Variants in AGPAT3 observed in about 807,000 individuals in gnomAD.
AGPAT3 encodes the protein 1-acyl-sn-glycerol-3-phosphate acyltransferase gamma.
In AGPAT3, 5 loss-of-function variants were observed where a neutral mutation model predicts 47.3. The ratio of observed to expected loss-of-function variants is 0.11; its 90% confidence interval spans 0.06 to 0.22. The LOEUF (loss-of-function observed/expected upper bound fraction) is 0.22. Ranked by LOEUF, AGPAT3 falls within the 10% of genes least tolerant of loss-of-function variation. The pLI is 1.00. For missense variants in AGPAT3, 315 were observed against 493.0 expected (o/e 0.64, Z 3.42); for synonymous variants, 212 against 208.3 (o/e 1.02, Z -0.15).
intron 1 of AGPAT3, among the ~76,000 whole-genome samples, chr21:43,887,949 G>A (rs1402183535): frequency 2.6e-5 from 4 of 152,196 alleles, no homozygotes. Flanking sequence ...CACCACGCCC[G>A]GCCCATATAC....
At position 43,982,612 on chromosome 21, in the gene AGPAT3, C is replaced by G. The variant is rs1043849750; in HGVS notation, c.*220C>G. The G allele has an allele frequency of 7.7e-6, 3 of 391,096 alleles. No homozygotes were observed. The highest frequency in any genetic ancestry group is 6.4e-5 in the African/African-American group (3 of 47,172). 24.2% of individuals were successfully genotyped at this position (391,096 alleles called of 1,614,324 possible). A position where few individuals can be genotyped will look rare whatever the true frequency, so the allele number is the denominator to read the frequency against. ...GGGTCCCAGCATCTCCACGCGCGCC[C>G]GTGGGAGGTGGGTCCGGCCGGAGAG... is the stretch of plus-strand genomic sequence containing the variant. On this transcript the variant is annotated 3_prime_UTR_variant, in exon 10 of 10. Transcript: ENST00000291572. The surrounding 1 kb of genome is among the most constrained non-coding windows in gnomAD (Gnocchi z 6.2).
At chr21:43,887,116 A>T (rs1001246402) in intron 1 of AGPAT3, among the ~76,000 whole-genome samples, 2 of 152,238 alleles carry the variant, frequency 1.3e-5, no homozygotes, top group African/African-American at 4.8e-5. Flanking sequence ...TGGGTACTCC[A>T]AAGCAGCCCT....
chr21:43,884,426 C>G (rs918117199), intron 1 of AGPAT3, among the ~76,000 whole-genome samples: 1 of 152,128 alleles, frequency 6.6e-6, no homozygotes, highest in South Asian at 2.1e-4. Flanking sequence ...TTCTGCTGTG[C>G]GGAGCATGGC....
Position 43,971,470 on chromosome 21 carries a change from C to T in AGPAT3, c.747C>T (p.Tyr249=), listed in dbSNP as rs780787175. Reference sequence around the variant, plus strand: ...TGGGGATCCTCTACGGGAAGAAGTACGAGGCGGACATGTGCGTGAGGTGAG... The same window carrying T: ...TGGGGATCCTCTACGGGAAGAAGTATGAGGCGGACATGTGCGTGAGGTGAG... The part of the protein sequence containing the change: ...SLLGILYGKK[Y]EADMCVRRFP... Residue 249 remains tyrosine, a synonymous_variant, in exon 7 of 10, where the codon TAC becomes TAT. Transcript: ENST00000291572. 46 of 1,614,216 alleles carry T rather than the reference C, an allele frequency of 2.8e-5. No homozygotes were observed. The highest frequency in any genetic ancestry group is 6.7e-5 in the African/African-American group (5 of 75,048).
chr21:43,956,326 A>G (rs915876), intron 2 of AGPAT3, among the ~76,000 whole-genome samples: 74,975 of 152,004 alleles, frequency 0.49, 19,183 homozygotes, highest in African/African-American at 0.64. Context: ...GAGCCTCGCT[A>G]TCTGGACTGG....
rs940487080 is a variant in AGPAT3, at chr21:43,935,031, C to T, written c.-48-24603C>T. ...ACCCATGCCACCCATGTGCCGTCCA[C>T]CACCCACGCCACCCACACCACTCAC... On this transcript the variant is annotated intron_variant, in intron 2 of 9. Transcript: ENST00000291572. Among the ~76,000 whole-genome samples the T allele has an allele frequency of 3.7e-4, 56 of 151,888 alleles. 1 individual carries two copies. Among genetic ancestry groups the T allele is most frequent in the Non-Finnish European group, 1.0e-4 (7 of 67,940 alleles).
intron 1 of AGPAT3, among the ~76,000 whole-genome samples, chr21:43,886,204 C>T (rs909575178): frequency 2.0e-5 from 3 of 152,088 alleles, no homozygotes; most frequent in Admixed American, 1.3e-4. Flanking sequence ...TCCTGGCAGT[C>T]CCCCTGCTGT....
intron 2 of AGPAT3, among the ~76,000 whole-genome samples, chr21:43,953,334 C>T (rs1395926624): frequency 3.9e-5 from 6 of 152,164 alleles, no homozygotes; most frequent in African/African-American, 1.2e-4. Flanking sequence ...AGTATTCTGT[C>T]GGTATTCATT....
At position 43,917,841 on chromosome 21, in the gene AGPAT3, T is replaced by TGGGTGTTGTAGGA. The variant is rs1319852909; in HGVS notation, c.-49+13823_-49+13824insGGTGTTGTAGGAG. ...GGTGTTGTGGGGGTTGTGGGTGTTG[T>TGGGTGTTGTAGGA]GTTGTGGGTGTTGTAGGAGTTGTGA... On this transcript the variant is annotated intron_variant, in intron 2 of 9. Transcript: ENST00000291572. Among the ~76,000 whole-genome samples, 3 of 107,142 alleles carry TGGGTGTTGTAGGA rather than the reference T, an allele frequency of 2.8e-5. 1 individual carries two copies. Among genetic ancestry groups the TGGGTGTTGTAGGA allele is most frequent in the African/African-American group, 1.1e-4 (3 of 27,264 alleles). The allele number at this position is 107,142 out of a possible 152,430, so 70.3% of individuals were successfully genotyped here.
At chr21:43,935,614 C>T (rs2087419474) in intron 2 of AGPAT3, among the ~76,000 whole-genome samples, 2 of 152,182 alleles carry the variant, frequency 1.3e-5, no homozygotes, top group African/African-American at 4.8e-5. Flanking sequence ...GCTCACTGCT[C>T]GGTAGGGGCA....
At chr21:43,979,081 T>C (rs2089736072) in intron 8 of AGPAT3, among the ~76,000 whole-genome samples, 1 of 151,996 alleles carries the variant, frequency 6.6e-6, no homozygotes, top group Non-Finnish European at 1.5e-5. Flanking sequence ...GCAGATCACC[T>C]GAGGTCAGGA....
At chr21:43,976,286 C>A (rs536157841) in intron 7 of AGPAT3, among the ~76,000 whole-genome samples, 1 of 147,838 alleles carries the variant, frequency 6.8e-6, no homozygotes, top group African/African-American at 2.5e-5. Flanking sequence ...AGGCTGGTCT[C>A]GAACTCCTGA....
intron 1 of AGPAT3, among the ~76,000 whole-genome samples, chr21:43,866,853 C>G (rs1444591762): frequency 6.6e-6 from 1 of 152,216 alleles, no homozygotes; most frequent in African/African-American, 2.4e-5. Context: ...GCGTATCTGC[C>G]AGGGGGACGC....
chr21:43,870,964 AG>A (rs2085612370), intron 1 of AGPAT3, among the ~76,000 whole-genome samples: 1 of 152,202 alleles, frequency 6.6e-6, no homozygotes, highest in Non-Finnish European at 1.5e-5. Context: ...CCAGCTGAGC[AG>A]GGCCAGGTGG....
chr21:43,891,558 G>A (rs1213824953), intron 1 of AGPAT3, among the ~76,000 whole-genome samples: 1 of 152,026 alleles, frequency 6.6e-6, no homozygotes, highest in Non-Finnish European at 1.5e-5. Context: ...GCGTGAACCC[G>A]GGAGGTGGAG....
chr21:43,926,865 G>A (rs2087072329), intron 2 of AGPAT3, among the ~76,000 whole-genome samples: 1 of 151,178 alleles, frequency 6.6e-6, no homozygotes. Context: ...GGAGGCTGAG[G>A]CAGGAGAATT....
chr21:43,982,381 A>G lies in AGPAT3; in HGVS notation c.1120A>G (p.Lys374Glu). The G allele has an allele frequency of 6.2e-7, 1 of 1,612,700 alleles. No individual in the cohort carries two copies. The highest frequency in any genetic ancestry group is 8.5e-7 in the Non-Finnish European group (1 of 1,178,714). ...CAGCTACGGAAACCAAGAGTTTAAG[A>G]AAAAGGAATAATTAATGGCTGTGAC... is the stretch of plus-strand genomic sequence containing the variant. ...GSSYGNQEFK[K>E]KE The change falls in exon 10 of 10, where the codon AAA becomes GAA. Residue 374 changes from lysine (K) to glutamate (E), a missense_variant. Coordinates refer to ENST00000291572, the MANE Select transcript of AGPAT3 (RefSeq NM_020132.5). The surrounding 1 kb of genome is among the most constrained non-coding windows in gnomAD (Gnocchi z 6.2).
chr21:43,980,485 C>G (rs1030075671), intron 8 of AGPAT3, among the ~76,000 whole-genome samples: 1 of 152,238 alleles, frequency 6.6e-6, no homozygotes, highest in African/African-American at 2.4e-5. Flanking sequence ...CCAGGCTCCT[C>G]TCTCCTCCCA....
At chr21:43,885,349 T>A (rs534912160) in intron 1 of AGPAT3, among the ~76,000 whole-genome samples, 4 of 152,294 alleles carry the variant, frequency 2.6e-5, no homozygotes, top group Admixed American at 1.3e-4. Context: ...AACTTTCAAT[T>A]ACAATTTTTT....
Sources: allele counts gnomAD v4.1 joint callset (sites outside exome capture counted in the v4.1 genomes callset), GRCh38; gene constraint gnomAD v4.1.1; non-coding constraint Gnocchi (gnomAD v3.1); transcripts MANE v1.5; gene names NCBI Gene and HGNC (gene_info 2026-07-23, HGNC 2026-07-21).